The following RAB2A variants were observed in gnomAD, a reference collection of about 807,000 sequenced individuals.
RAB2A encodes ras-related protein Rab-2A.
RAB2A carries 7 observed loss-of-function variants against 32.5 expected under a neutral mutation model. That is an observed-to-expected ratio of 0.22 (90% CI 0.12 to 0.40). The LOEUF (loss-of-function observed/expected upper bound fraction) is 0.40. Among genes scored for constraint, RAB2A ranks in the 10% least tolerant of loss-of-function variants. RAB2A has a pLI of 1.00. For missense variants in RAB2A, 108 were observed against 260.7 expected (o/e 0.41, Z 4.03); for synonymous variants, 79 against 85.2 (o/e 0.93, Z 0.40).
intron 5 of RAB2A, among the ~76,000 whole-genome samples, chr8:60,589,796 C>T (rs552810845): frequency 4.1e-4 from 62 of 152,088 alleles, no homozygotes; most frequent in Non-Finnish European, 6.2e-4. Flanking sequence ...TTGATTTGAC[C>T]TATAGTAAGA....
chr8:60,583,642 G>C (rs1427489385), intron 3 of RAB2A, among the ~76,000 whole-genome samples: 1 of 152,182 alleles, frequency 6.6e-6, no homozygotes, highest in Admixed American at 6.5e-5. Flanking sequence ...TTTGATGACT[G>C]TTGAAAGCTC....
Position 60,592,520 on chromosome 8 carries a change from T to G in RAB2A, c.474+551T>G, listed in dbSNP as rs1364914528. Among the ~76,000 whole-genome samples, 4 of 152,206 alleles carry G rather than the reference T, an allele frequency of 2.6e-5. No individual in the cohort carries two copies. The East Asian group carries it at 5.8e-4, about 22-fold the overall frequency. The stretch of plus-strand genomic sequence containing the variant: ...TCCACTTCTGCTTATTTTTTTAATT[T>G]TATTTATTTTTTTAACTGTCAATAT... On this transcript the variant is annotated intron_variant, in intron 6 of 7. Transcript: ENST00000262646.
rs1403893715 is a variant in RAB2A, at chr8:60,621,493, T to C, written c.*724T>C. 1 of 152,174 alleles carries C rather than the reference T, an allele frequency of 6.6e-6. No homozygotes were observed. Among genetic ancestry groups the C allele is most frequent in the Non-Finnish European group, 1.5e-5 (1 of 68,014 alleles). 9.4% of individuals were successfully genotyped at this position (152,174 alleles called of 1,614,324 possible). Reference sequence around the variant, plus strand: ...GTTTTAATGCCAAAAGTTTGCTTTGTCCACAATTTCCTTAAGACCTCTTCA... The same window carrying C: ...GTTTTAATGCCAAAAGTTTGCTTTGCCCACAATTTCCTTAAGACCTCTTCA... On this transcript the variant is annotated 3_prime_UTR_variant, in exon 8 of 8. Coordinates refer to ENST00000262646, the MANE Select transcript of RAB2A (RefSeq NM_002865.3).
At chr8:60,608,115 GT>G (rs1804267601) in intron 6 of RAB2A, among the ~76,000 whole-genome samples, 2 of 151,974 alleles carry the variant, frequency 1.3e-5, no homozygotes, top group African/African-American at 4.8e-5. Flanking sequence ...TTGTTTGTTT[GT>G]TTTGGTATTT....
At chr8:60,517,508 A>G (rs947090255) in intron 1 of RAB2A, among the ~76,000 whole-genome samples, 2 of 152,108 alleles carry the variant, frequency 1.3e-5, no homozygotes. Flanking sequence ...GCGACGCCCG[A>G]TTCAGGAAGT....
chr8:60,533,388 A>G (rs1231082927), intron 1 of RAB2A, among the ~76,000 whole-genome samples: 1 of 152,212 alleles, frequency 6.6e-6, no homozygotes, highest in East Asian at 1.9e-4. Flanking sequence ...CATTTTAGGA[A>G]TGGTTGAGTA....
At chr8:60,601,507 T>G (rs376065686) in intron 6 of RAB2A, among the ~76,000 whole-genome samples, 69 of 152,290 alleles carry the variant, frequency 4.5e-4, no homozygotes, top group African/African-American at 1.4e-3. Flanking sequence ...CTGGCTAATT[T>G]TTGTACTTCT....
At chr8:60,559,002 T>G in intron 2 of RAB2A, 79 bp downstream of exon 2, 1 of 980,802 alleles carries the variant, frequency 1.0e-6, no homozygotes, top group Non-Finnish European at 1.6e-6. Flanking sequence ...TCCATTCTAC[T>G]AGTGATGATG....
At chr8:60,576,257 G>A (rs749890008) in intron 3 of RAB2A, 23 of 456,074 alleles carry the variant, frequency 5.0e-5, no homozygotes, top group South Asian at 2.5e-4. Flanking sequence ...AGAAACATAC[G>A]TTGCCCCTGG....
intron 1 of RAB2A, 48 bp downstream of exon 1, chr8:60,517,301 C>A: frequency 6.9e-7 from 1 of 1,449,144 alleles, no homozygotes; most frequent in South Asian, 1.4e-5. Context: ...CCTCCGGACC[C>A]GGGCTGAGGG....
intron 6 of RAB2A, among the ~76,000 whole-genome samples, chr8:60,607,206 G>T (rs1210443800): frequency 1.3e-5 from 2 of 149,442 alleles, no homozygotes; most frequent in African/African-American, 4.9e-5. Flanking sequence ...GAGGCGGGCA[G>T]ATCACAAGGT....
At chr8:60,529,850 G>A (rs952628163) in intron 1 of RAB2A, among the ~76,000 whole-genome samples, 2 of 152,182 alleles carry the variant, frequency 1.3e-5, no homozygotes, top group Admixed American at 6.5e-5. Context: ...TCCTTGAGCT[G>A]GGTGCTAGAG....
intron 1 of RAB2A, among the ~76,000 whole-genome samples, chr8:60,548,721 C>A: frequency 7.4e-6 from 1 of 134,326 alleles, no homozygotes; most frequent in African/African-American, 3.0e-5. Flanking sequence ...GGCAGCCGGG[C>A]AGAGGCACCC....
At chr8:60,576,195 A>T in intron 3 of RAB2A, 1 of 456,210 alleles carries the variant, frequency 2.2e-6, no homozygotes, top group Non-Finnish European at 4.4e-6. Context: ...TTCATTTATT[A>T]AAAGCCAAAG....
At chr8:60,601,580 C>A (rs541199479) in intron 6 of RAB2A, among the ~76,000 whole-genome samples, 5 of 152,280 alleles carry the variant, frequency 3.3e-5, no homozygotes, top group Admixed American at 1.3e-4. Context: ...TCAAATGATC[C>A]GCCTGCTGTG....
chr8:60,603,194 A>G (rs1318166487), intron 6 of RAB2A, among the ~76,000 whole-genome samples: 4 of 152,176 alleles, frequency 2.6e-5, no homozygotes, highest in Admixed American at 6.5e-5. Flanking sequence ...CTCTTAAAAG[A>G]TTTTTTAGAC....
At chr8:60,572,441 ATAT>A in intron 3 of RAB2A, among the ~76,000 whole-genome samples, 1 of 152,216 alleles carries the variant, frequency 6.6e-6, no homozygotes, top group Non-Finnish European at 1.5e-5. Context: ...AAGAATATCA[ATAT>A]TATACAATAA....
At chr8:60,540,627 G>A (rs1045906914) in intron 1 of RAB2A, among the ~76,000 whole-genome samples, 10 of 152,154 alleles carry the variant, frequency 6.6e-5, no homozygotes, top group Admixed American at 5.9e-4. Context: ...TTACAGGCAT[G>A]TGCCACCACG....
At chr8:60,539,484 A>T (rs1025922730) in intron 1 of RAB2A, among the ~76,000 whole-genome samples, 1 of 152,354 alleles carries the variant, frequency 6.6e-6, no homozygotes, top group Admixed American at 6.5e-5. Context: ...TTTTTCAATC[A>T]GCATCATACA....
Sources: gnomAD v4.1 joint callset for allele counts (sites outside exome capture counted in the v4.1 genomes callset) on GRCh38, gnomAD v4.1.1 for gene constraint, MANE v1.5 for transcripts, NCBI Gene and HGNC (gene_info 2026-07-23, HGNC 2026-07-21) for gene names.